CSE1L: variants seen among roughly 807,000 people sequenced by gnomAD.
The protein encoded by CSE1L is exportin-2.
CSE1L carries 24 observed loss-of-function variants against 120.4 expected under a neutral mutation model. That is an observed-to-expected ratio of 0.20 (90% confidence interval 0.14 to 0.28). The LOEUF is 0.28. CSE1L is among the 10% of genes least tolerant of loss of function. The probability of loss-of-function intolerance (pLI) is 1.00; values close to 1 mark genes in which losing one functional copy is unlikely to be tolerated. For missense variants in CSE1L, 830 were observed against 1,145.2 expected (o/e 0.72, Z 3.97); for synonymous variants, 402 against 398.3 (o/e 1.01, Z -0.11).
rs186651862 is a variant in CSE1L, at chr20:49,052,471, C to A, written c.-11-5982C>A. Among the ~76,000 whole-genome samples, 365 of 152,186 alleles carry A rather than the reference C, an allele frequency of 2.4e-3. 2 individuals are homozygous for A. The highest frequency in any genetic ancestry group is 4.0e-3 in the Non-Finnish European group (273 of 68,014). On this transcript the variant is annotated intron_variant, in intron 1 of 24. Coordinates refer to ENST00000262982, the MANE Select transcript of CSE1L (RefSeq NM_001316.4). ...GTCCATTATCAAATTAGAGGATGAG[C>A]ATTATTATGGTCAGGGAGAACTCTT... is the stretch of plus-strand genomic sequence containing the variant.
rs562728820 is a variant in CSE1L at position 49,084,743 on chromosome 20, AC to A, written c.1620-539del. 6.4e-3 allele frequency among the ~76,000 whole-genome samples: 976 copies of A among 152,330 alleles called. 9 individuals carry two copies. The highest frequency in any genetic ancestry group is 0.01 in the Non-Finnish European group (714 of 68,032). Reference sequence around the variant, plus strand: ...GGATGGTCTGCATGTCTTTCAGGCCACTATTCAACAGTATTATTTCTTGAAA... The same window carrying A: ...GGATGGTCTGCATGTCTTTCAGGCCATATTCAACAGTATTATTTCTTGAAA... On this transcript the variant is annotated intron_variant, in intron 15 of 24. Transcript: ENST00000262982.
chr20:49,087,689 A>G (rs192667727), intron 16 of CSE1L, among the ~76,000 whole-genome samples: 106 of 152,030 alleles, frequency 7.0e-4, no homozygotes, highest in African/African-American at 2.3e-3. Context: ...GAGACCCCAA[A>G]CAGTTCTCTC....
intron 16 of CSE1L, among the ~76,000 whole-genome samples, chr20:49,085,638 C>T (rs1248272831): frequency 8.5e-6 from 1 of 118,102 alleles, no homozygotes; most frequent in African/African-American, 3.2e-5. Flanking sequence ...GTGGCTTGAT[C>T]TCAGCTCACT....
At chr20:49,080,307 G>C (rs2123730202) in intron 14 of CSE1L, among the ~76,000 whole-genome samples, 1 of 140,022 alleles carries the variant, frequency 7.1e-6, no homozygotes, top group South Asian at 2.2e-4. Context: ...TCAGCCTCCT[G>C]GGTTCACGCC....
chr20:49,095,819 C>T (rs2092135114), intron 24 of CSE1L, among the ~76,000 whole-genome samples: 1 of 152,082 alleles, frequency 6.6e-6, no homozygotes, highest in Non-Finnish European at 1.5e-5. Flanking sequence ...TATTACAGTG[C>T]CACTGCAATC....
chr20:49,091,316 T>G lies in CSE1L; in HGVS notation c.2365+294T>G, dbSNP rs369414596. Among the ~76,000 whole-genome samples, 13 of 151,406 alleles carry G rather than the reference T, an allele frequency of 8.6e-5. 1 individual carries two copies. Among genetic ancestry groups the G allele is most frequent in the African/African-American group, 2.9e-4 (12 of 41,114 alleles). Reference sequence around the variant, plus strand: ...GGCATGTGCCTGTAGTCGCAGCTGCTTGGGAGGCTGAAGTAGGAGCATCAC... The same window carrying G: ...GGCATGTGCCTGTAGTCGCAGCTGCGTGGGAGGCTGAAGTAGGAGCATCAC... On this transcript the variant is annotated intron_variant, in intron 21 of 24. Coordinates refer to ENST00000262982, the MANE Select transcript of CSE1L (RefSeq NM_001316.4).
At position 49,089,717 on chromosome 20, in the gene CSE1L, A is replaced by G. The variant is rs371134165; in HGVS notation, c.2152A>G (p.Thr718Ala). 1 of 1,614,116 alleles carries G rather than the reference A, an allele frequency of 6.2e-7. No individual in the cohort carries two copies. The highest frequency in any genetic ancestry group is 8.5e-7 in the Non-Finnish European group (1 of 1,180,034). ...AGCATTCTTAGAACGCGGTTCAAAC[A>G]CAATAGCAAGTGCTGCAGCTGACAA... ...LQAFLERGSN[T>A]IASAAADKIP... is the part of the protein sequence containing the mutation. Residue 718 changes from threonine to alanine, a missense_variant, in exon 19 of 25, where the codon ACA (threonine) becomes GCA (alanine). Coordinates refer to ENST00000262982, the MANE Select transcript of CSE1L (RefSeq NM_001316.4).
chr20:49,072,729 C>G, intron 10 of CSE1L, 32 bp downstream of exon 10: 1 of 1,554,844 alleles, frequency 6.4e-7, no homozygotes, highest in Non-Finnish European at 8.7e-7. Flanking sequence ...TAGTATAAAT[C>G]TACTAAGTCT....
chr20:49,062,953 G>C (rs2091863186), intron 2 of CSE1L, among the ~76,000 whole-genome samples: 2 of 151,828 alleles, frequency 1.3e-5, no homozygotes, highest in African/African-American at 2.4e-5. Flanking sequence ...CATCCAATTA[G>C]GCCACTGTAT....
chr20:49,089,826 T>A (rs1400702086), intron 19 of CSE1L, 80 bp downstream of exon 19: 27 of 1,355,388 alleles, frequency 2.0e-5, no homozygotes, highest in Non-Finnish European at 2.8e-5. Context: ...GAAATTTTTT[T>A]ATTTAAAATA....
intron 2 of CSE1L, among the ~76,000 whole-genome samples, chr20:49,059,080 G>A (rs1000560740): frequency 2.0e-5 from 3 of 150,680 alleles, no homozygotes; most frequent in Admixed American, 6.6e-5. Context: ...GCAGTGAGCC[G>A]AGATTGCGCC....
intron 17 of CSE1L, 97 bp downstream of exon 17, chr20:49,088,203 G>A: frequency 1.2e-6 from 1 of 813,370 alleles, no homozygotes; most frequent in Admixed American, 2.7e-5. Flanking sequence ...CTTTAGAGAA[G>A]GTCTGTGAAT....
intron 14 of CSE1L, among the ~76,000 whole-genome samples, chr20:49,081,240 T>G (rs1164681853): frequency 3.3e-5 from 5 of 152,086 alleles, no homozygotes; most frequent in Admixed American, 6.5e-5. Context: ...CCTGCCTCGG[T>G]CTCCGAAAGT....
chr20:49,076,788 C>T (rs979420648), intron 12 of CSE1L, among the ~76,000 whole-genome samples, 192 bp from the exon 13 acceptor site: 1 of 152,018 alleles, frequency 6.6e-6, no homozygotes, highest in Non-Finnish European at 1.5e-5. Flanking sequence ...GCCTCGGCCT[C>T]CCAAAGTGCT....
At chr20:49,059,807 G>A (rs1439421751) in intron 2 of CSE1L, among the ~76,000 whole-genome samples, 1 of 152,052 alleles carries the variant, frequency 6.6e-6, no homozygotes, top group African/African-American at 2.4e-5. Context: ...TTGAACCTGG[G>A]AGGTGGAGGT....
chr20:49,058,592 C>A, intron 2 of CSE1L, 44 bp downstream of exon 2: 1 of 1,469,634 alleles, frequency 6.8e-7, no homozygotes, highest in South Asian at 1.2e-5. Flanking sequence ...TCCTTCAGGA[C>A]AGGTGAGAGA....
chr20:49,076,510 C>T (rs2426116), intron 12 of CSE1L, among the ~76,000 whole-genome samples: 86,925 of 142,676 alleles, frequency 0.61, 26,584 homozygotes, highest in East Asian at 0.66. Flanking sequence ...TTTGAAGTGT[C>T]CCTCTCTCTC....
intron 16 of CSE1L, 43 bp from the exon 17 acceptor site, chr20:49,087,966 T>G: frequency 7.2e-7 from 1 of 1,380,214 alleles, no homozygotes; most frequent in Non-Finnish European, 1.0e-6. Context: ...ATTCTGAAGT[T>G]TAACTAAACT....
intron 1 of CSE1L, among the ~76,000 whole-genome samples, chr20:49,051,512 C>T (rs1188148750): frequency 1.3e-5 from 2 of 152,198 alleles, no homozygotes; most frequent in African/African-American, 4.8e-5. Flanking sequence ...CACTGCACTC[C>T]AGCCTGGGTG....
Sources: allele counts gnomAD v4.1 joint callset (sites outside exome capture counted in the v4.1 genomes callset), GRCh38; gene constraint gnomAD v4.1.1; transcripts MANE v1.5; gene names NCBI Gene and HGNC (gene_info 2026-07-23, HGNC 2026-07-21).